RNF213: variants seen among roughly 807,000 people sequenced by gnomAD.
RNF213 encodes the protein ring finger protein 213.
A neutral mutation model predicts 514.4 loss-of-function variants in RNF213; 341 were observed. That is an observed-to-expected ratio of 0.66 (90% CI 0.61 to 0.73). The LOEUF (loss-of-function observed/expected upper bound fraction) is 0.73, where lower values mean the gene tolerates loss of function less well. Among genes scored for constraint, RNF213 ranks in the 30% least tolerant of loss-of-function variants. The pLI is 0.00. For synonymous variants in RNF213, 2,655 were observed against 2,658.2 expected (o/e 1.00, Z 0.04); for missense variants, 5,767 against 6,615.6 (o/e 0.87, Z 4.45).
At chr17:80,299,245 A>G (rs2045083067) in intron 11 of RNF213, among the ~76,000 whole-genome samples, 1 of 142,924 alleles carries the variant, frequency 7.0e-6, no homozygotes, top group Admixed American at 6.8e-5. Flanking sequence ...AGAGAGTGCC[A>G]GCCTTGTATT....
Position 80,344,881 on chromosome 17 carries a change from G to A in RNF213, c.6546G>A (p.Thr2182=), listed in dbSNP as rs763128869. ...RRFNQNQDLD[T]FQYQEGSVEG... Reference sequence around the variant, plus strand: ...TCAATCAAAACCAAGACCTAGACACGTTTCAGTATCAAGAAGGCTCTGTCG... The same window carrying A: ...TCAATCAAAACCAAGACCTAGACACATTTCAGTATCAAGAAGGCTCTGTCG... The change falls in exon 29 of 68, where the codon ACG becomes ACA. Residue 2182 remains threonine, a synonymous_variant. Coordinates refer to ENST00000582970, the MANE Select transcript of RNF213 (RefSeq NM_001256071.3). The A allele has an allele frequency of 2.3e-5, 37 of 1,614,154 alleles. No homozygotes were observed. The highest frequency in any genetic ancestry group is 4.4e-5 in the South Asian group (4 of 91,084).
intron 54 of RNF213, among the ~76,000 whole-genome samples, chr17:80,378,526 G>A (rs1395408292): frequency 2.0e-5 from 3 of 152,150 alleles, no homozygotes; most frequent in Non-Finnish European, 4.4e-5. Context: ...CATGATCATA[G>A]CTCACTATAA....
chr17:80,387,018 C>T (rs2080264538), intron 63 of RNF213, 127 bp downstream of exon 63: 1 of 927,470 alleles, frequency 1.1e-6, no homozygotes. Flanking sequence ...TCCTCCCTCA[C>T]ACCTGCAGCT....
intron 12 of RNF213, 141 bp downstream of exon 12, chr17:80,306,609 T>A (rs1393847626): frequency 4.4e-5 from 37 of 838,122 alleles, no homozygotes; most frequent in Non-Finnish European, 6.8e-5. Flanking sequence ...CCCAGCACTT[T>A]GGGAGGCCGA....
At position 80,317,274 on chromosome 17, in the gene RNF213, A is replaced by G; in HGVS notation, c.2898A>G (p.Thr966=). The G allele has an allele frequency of 6.2e-7, 1 of 1,612,136 alleles. No homozygotes were observed. The highest frequency in any genetic ancestry group is 2.2e-5 in the East Asian group (1 of 44,840). ...TGGGAGACATGGAATGGAGGCTCAC[A>G]AAGGTACCAAAAGTTTGGGGGCAGT... is the stretch of plus-strand genomic sequence containing the variant. ...SLLGDMEWRL[T]KEEPLSQITA... is the part of the protein sequence containing the mutation. Residue 966 remains threonine (T), a synonymous_variant, in exon 16 of 68, where the codon ACA becomes ACG. Coordinates refer to ENST00000582970, the MANE Select transcript of RNF213 (RefSeq NM_001256071.3). The surrounding 1 kb of genome is among the most constrained non-coding windows in gnomAD (Gnocchi z 4.1).
chr17:80,294,565 C>T (rs758683996), intron 8 of RNF213, among the ~76,000 whole-genome samples, 155 bp from the exon 9 acceptor site: 3 of 152,126 alleles, frequency 2.0e-5, no homozygotes, highest in Non-Finnish European at 2.9e-5. Context: ...GTCTGGCTGT[C>T]GTCAGTGTGT....
intron 14 of RNF213, among the ~76,000 whole-genome samples, chr17:80,310,028 C>T (rs1195238346): frequency 2.0e-5 from 3 of 152,076 alleles, no homozygotes; most frequent in African/African-American, 7.2e-5. Flanking sequence ...GCTGGGATTA[C>T]AGGCTTAAAC....
intron 3 of RNF213, among the ~76,000 whole-genome samples, chr17:80,280,085 C>T (rs2044205016): frequency 6.6e-6 from 1 of 151,386 alleles, no homozygotes. Context: ...GGCAGGCATG[C>T]TCTTTCCTCT....
chr17:80,334,617 T>A (rs1466645725), intron 22 of RNF213, among the ~76,000 whole-genome samples: 1 of 19,518 alleles, frequency 5.1e-5, no homozygotes, highest in Non-Finnish European at 1.5e-4. Context: ...CACAGAGAGG[T>A]TTTTTTTTTT....
At chr17:80,273,770 C>T (rs1463002755) in intron 3 of RNF213, among the ~76,000 whole-genome samples, 2 of 152,042 alleles carry the variant, frequency 1.3e-5, no homozygotes, top group African/African-American at 2.4e-5. Flanking sequence ...CAGGCATGCA[C>T]CACCACGACC....
Position 80,360,111 on chromosome 17 carries a change from C to G in RNF213, c.11105C>G (p.Ser3702Cys). The G allele has an allele frequency of 6.2e-7, 1 of 1,614,148 alleles. No individual in the cohort carries two copies. The highest frequency in any genetic ancestry group is 8.5e-7 in the Non-Finnish European group (1 of 1,180,018). ...GTGGTGCAGAACCACATGAACCTTT[C>G]CGAGAACGCTTCCAACAACGTCCCT... ...YIVVQNHMNL[S>C]ENASNNVPFS... Residue 3702 changes from serine to cysteine, a missense_variant, in exon 38 of 68, where the codon TCC becomes TGC. Ser to Cys is a moderately radical substitution (Grantham distance 112). Coordinates refer to ENST00000582970, the MANE Select transcript of RNF213 (RefSeq NM_001256071.3).
At chr17:80,360,027 A>G in intron 37 of RNF213, 34 bp from the exon 38 acceptor site, 1 of 1,612,630 alleles carries the variant, frequency 6.2e-7, no homozygotes, top group Non-Finnish European at 8.5e-7. Context: ...ACGTCTCACA[A>G]ACCCTCTTCT....
At chr17:80,389,604 A>G (rs974705404) in intron 65 of RNF213, among the ~76,000 whole-genome samples, 6 of 152,226 alleles carry the variant, frequency 3.9e-5, no homozygotes, top group Non-Finnish European at 8.8e-5. Context: ...GACTGAGTAC[A>G]TGAGGCCCCT....
intron 29 of RNF213, among the ~76,000 whole-genome samples, chr17:80,348,893 T>C (rs569650225): frequency 4.9e-4 from 75 of 152,264 alleles, no homozygotes; most frequent in African/African-American, 1.8e-3. Flanking sequence ...CCTCAGTGAC[T>C]CTGCAGAGCC....
chr17:80,347,465 G>T lies in RNF213; in HGVS notation c.9130G>T (p.Val3044Leu), dbSNP rs775568210. The T allele has an allele frequency of 3.7e-6, 6 of 1,614,026 alleles. No homozygotes were observed. The highest frequency in any genetic ancestry group is 5.1e-6 in the Non-Finnish European group (6 of 1,180,026). ...AGATGCTGAGTCCCGCTACTTACTC[G>T]TGCTGACCAAAAACTACGTGGCACT... ...QEDAESRYLL[V>L]LTKNYVALQI... The change falls in exon 29 of 68, where the codon GTG becomes TTG. Residue 3044 changes from valine (V) to leucine (L), a missense_variant. Around this residue, in one of 13 missense-constraint regions of RNF213, gnomAD observed 919 missense variants for 1,121.0 expected, o/e 0.82. Transcript: ENST00000582970. The surrounding 1 kb of genome is among the most constrained non-coding windows in gnomAD (Gnocchi z 7.2).
chr17:80,280,253 G>C (rs1212050171), intron 3 of RNF213, among the ~76,000 whole-genome samples: 1 of 152,184 alleles, frequency 6.6e-6, no homozygotes, highest in Non-Finnish European at 1.5e-5. Context: ...GTAAAATAAA[G>C]GATGGATTCA....
chr17:80,341,736 C>T (rs922859310), intron 26 of RNF213: 1 of 151,928 alleles, frequency 6.6e-6, no homozygotes, highest in East Asian at 1.9e-4. Flanking sequence ...AGGCCTTGGT[C>T]TTTTAAAAAA....
intron 11 of RNF213, among the ~76,000 whole-genome samples, chr17:80,304,049 A>G (rs1159789522): frequency 6.6e-6 from 1 of 151,548 alleles, no homozygotes; most frequent in African/African-American, 2.4e-5. Context: ...TAGTAGAAAT[A>G]TAGAGTACCT....
chr17:80,304,062 T>TA (rs1185650017), intron 11 of RNF213, among the ~76,000 whole-genome samples: 2 of 151,738 alleles, frequency 1.3e-5, no homozygotes, highest in African/African-American at 4.8e-5. Context: ...GAGTACCTTT[T>TA]ATTATTATTG....
Sources: gnomAD v4.1 joint callset for allele counts (sites outside exome capture counted in the v4.1 genomes callset) on GRCh38, gnomAD v4.1.1 for gene constraint, gnomAD v4.1.1 regional missense constraint, Gnocchi (gnomAD v3.1) non-coding constraint, MANE v1.5 for transcripts, NCBI Gene and HGNC (gene_info 2026-07-23, HGNC 2026-07-21) for gene names.